Variants in IPO11 observed in about 807,000 individuals in gnomAD.
IPO11 encodes importin-11.
A neutral mutation model predicts 143.2 loss-of-function variants in IPO11; 66 were observed. That is an observed-to-expected ratio of 0.46 (90% CI 0.38 to 0.57). The LOEUF (loss-of-function observed/expected upper bound fraction) is 0.57. IPO11 is among the 20% of genes least tolerant of loss of function. The pLI, the probability that IPO11 is intolerant of heterozygous loss-of-function variation, is 0.00. For missense variants in IPO11, 1,026 were observed against 1,141.0 expected, an observed-to-expected ratio of 0.90 and a Z score of 1.45; for synonymous variants, 385 against 377.8, an observed-to-expected ratio of 1.02 and a Z score of -0.22.
At chr5:62,562,068 A>G (rs1002306235) in intron 27 of IPO11, 1 of 152,206 alleles carries the variant, frequency 6.6e-6, no homozygotes, top group Non-Finnish European at 1.5e-5. Context: ...TCATAGCAAA[A>G]TTTTGAAATT....
intron 5 of IPO11, among the ~76,000 whole-genome samples, chr5:62,455,543 C>T (rs1323609559): frequency 6.6e-6 from 1 of 152,066 alleles, no homozygotes; most frequent in African/African-American, 2.4e-5. Context: ...AAATATTAAG[C>T]TCATGGTTGA....
intron 21 of IPO11, among the ~76,000 whole-genome samples, chr5:62,530,332 T>A (rs1742502689): frequency 6.6e-6 from 1 of 152,184 alleles, no homozygotes; most frequent in African/African-American, 2.4e-5. Flanking sequence ...GGAACCTGTG[T>A]ATATGTGTAT....
chr5:62,501,473 GAT>G (rs765404786), intron 16 of IPO11, among the ~76,000 whole-genome samples: 64 of 152,156 alleles, frequency 4.2e-4, no homozygotes, highest in South Asian at 1.0e-3. Flanking sequence ...GTTTATAATT[GAT>G]ATGTCTATTA....
chr5:62,517,652 C>G (rs1412097200), intron 20 of IPO11, among the ~76,000 whole-genome samples: 4 of 152,184 alleles, frequency 2.6e-5, no homozygotes, highest in African/African-American at 9.7e-5. Flanking sequence ...ATTTGCTTGC[C>G]TTGGCCTCCC....
chr5:62,462,537 A>G lies in IPO11; in HGVS notation c.517-4594A>G, dbSNP rs77393430. Among the ~76,000 whole-genome samples, 19 of 151,996 alleles carry G rather than the reference A, an allele frequency of 1.3e-4. No homozygotes were observed. In the East Asian group the frequency reaches 1.7e-3, roughly 14 times the overall value. ...CTTTGCTACCATTATTAAAAAAAAT[A>G]CTGTTTTTATTTTTTACAGACAGGG... On this transcript the variant is annotated intron_variant, in intron 5 of 29. Transcript: ENST00000325324.
intron 28 of IPO11, among the ~76,000 whole-genome samples, chr5:62,595,144 T>G (rs567002075): frequency 7.1e-4 from 108 of 152,290 alleles, no homozygotes; most frequent in Non-Finnish European, 1.2e-3. Flanking sequence ...TCAGAATCTT[T>G]GGGGGTCACA....
chr5:62,458,345 G>T, intron 5 of IPO11, among the ~76,000 whole-genome samples: 1 of 97,456 alleles, frequency 1.0e-5, no homozygotes, highest in East Asian at 2.4e-4. Flanking sequence ...GTGTCACCCA[G>T]GCTGGAGTGC....
chr5:62,575,630 T>C (rs1230167958), intron 27 of IPO11, among the ~76,000 whole-genome samples: 2 of 152,172 alleles, frequency 1.3e-5, no homozygotes, highest in African/African-American at 4.8e-5. Flanking sequence ...TATTTCCTTA[T>C]GGTTAGATTT....
intron 20 of IPO11, among the ~76,000 whole-genome samples, chr5:62,519,389 A>G (rs1742133578): frequency 6.6e-6 from 1 of 152,160 alleles, no homozygotes; most frequent in Non-Finnish European, 1.5e-5. Context: ...TCTTACAGCC[A>G]TATCATAGGT....
intron 27 of IPO11, among the ~76,000 whole-genome samples, 169 bp from the exon 28 acceptor site, chr5:62,591,408 G>A (rs771224180): frequency 6.6e-5 from 10 of 151,570 alleles, no homozygotes; most frequent in African/African-American, 9.7e-5. Flanking sequence ...ATTTTGTGAT[G>A]TTATAGGCAA....
At chr5:62,464,925 CAA>C (rs1167909841) in intron 5 of IPO11, among the ~76,000 whole-genome samples, 2 of 152,158 alleles carry the variant, frequency 1.3e-5, no homozygotes, top group Middle Eastern at 3.2e-3. Context: ...TAAAATTACT[CAA>C]AATGTCGTTT....
chr5:62,608,328 C>T (rs1745804486), intron 29 of IPO11, among the ~76,000 whole-genome samples: 1 of 152,144 alleles, frequency 6.6e-6, no homozygotes, highest in Non-Finnish European at 1.5e-5. Context: ...TAGCCCTCAC[C>T]CTCTCTATTT....
In IPO11 at chr5:62,489,294, T is replaced by C; in HGVS notation, c.1310-8T>C. The C allele has an allele frequency of 6.7e-7, 1 of 1,499,038 alleles. No homozygotes were observed. The highest frequency in any genetic ancestry group is 9.0e-7 in the Non-Finnish European group (1 of 1,110,014). The allele number at this position is 1,499,038 out of a possible 1,614,324, so 92.9% of individuals were successfully genotyped here. On this transcript the variant is annotated splice_region_variant and splice_polypyrimidine_tract_variant and intron_variant, in intron 13 of 29. Coordinates refer to ENST00000325324, the MANE Select transcript of IPO11 (RefSeq NM_016338.5). ...TTACTGATACCTATTTATATATATATTTTTTAGGACCCACAAATGTGGAAG... is the reference window on the plus strand; with the variant it reads ...TTACTGATACCTATTTATATATATACTTTTTAGGACCCACAAATGTGGAAG...
rs779837016 is a variant in IPO11 at position 62,526,197 on chromosome 5, T to G, written c.1952T>G (p.Leu651Arg). ...LYPFLLPVIQ[L>R]STDVSQPPHV... ...CCTTTCCTGCTCCCAGTTATTCAAC[T>G]GAGTACAGATGTTTCACAGCCTCCA... The change falls in exon 21 of 30, where the codon CTG (leucine) becomes CGG (arginine). Residue 651 changes from leucine (L) to arginine (R), a missense_variant. Coordinates refer to ENST00000325324, the MANE Select transcript of IPO11 (RefSeq NM_016338.5). 3 of 1,613,714 alleles carry G rather than the reference T, an allele frequency of 1.9e-6. No homozygotes were observed. The highest frequency in any genetic ancestry group is 2.2e-5 in the East Asian group (1 of 44,842).
chr5:62,478,325 C>T (rs1449244898), intron 9 of IPO11, among the ~76,000 whole-genome samples: 1 of 152,028 alleles, frequency 6.6e-6, no homozygotes, highest in African/African-American at 2.4e-5. Flanking sequence ...GCCACCACGC[C>T]CAGCTAAATT....
At chr5:62,435,144 G>A (rs1478786875) in intron 1 of IPO11, among the ~76,000 whole-genome samples, 4 of 64,984 alleles carry the variant, frequency 6.2e-5, no homozygotes, top group Admixed American at 4.5e-4. Context: ...ATGTATATAT[G>A]TATATATGTA....
intron 19 of IPO11, among the ~76,000 whole-genome samples, chr5:62,513,421 C>CCG (rs1554052727): frequency 7.1e-6 from 1 of 141,624 alleles, no homozygotes; most frequent in Non-Finnish European, 1.6e-5. Context: ...CTGACCCCCC[C>CCG]CCCACCTCCC....
chr5:62,581,421 G>A, intron 27 of IPO11: 1 of 834,398 alleles, frequency 1.2e-6, no homozygotes, highest in Non-Finnish European at 1.8e-6. Flanking sequence ...TATGAGGTTA[G>A]CATTATTAAA....
chr5:62,469,150 A>C (rs935983650), intron 6 of IPO11, among the ~76,000 whole-genome samples: 1 of 152,190 alleles, frequency 6.6e-6, no homozygotes, highest in African/African-American at 2.4e-5. Context: ...TAACTAGGTG[A>C]TGAAGGGAGA....
Sources: allele counts gnomAD v4.1 joint callset (sites outside exome capture counted in the v4.1 genomes callset), GRCh38; gene constraint gnomAD v4.1.1; transcripts MANE v1.5; gene names NCBI Gene and HGNC (gene_info 2026-07-23, HGNC 2026-07-21).